RPN2: variants seen among roughly 807,000 people sequenced by gnomAD.
RPN2 encodes dolichyl-diphosphooligosaccharide--protein glycosyltransferase subunit 2.
In RPN2, 29 loss-of-function variants were observed where a neutral mutation model predicts 71.4. The ratio of observed to expected loss-of-function variants is 0.41; its 90% CI spans 0.30 to 0.55. The LOEUF (loss-of-function observed/expected upper bound fraction) is 0.55, where lower values mean the gene tolerates loss of function less well. Among genes scored for constraint, RPN2 ranks in the 20% least tolerant of loss-of-function variants. The pLI is 0.35. For synonymous variants in RPN2, 308 were observed against 305.0 expected (o/e 1.01, Z -0.10); for missense variants, 726 against 774.1 (o/e 0.94, Z 0.74).
At chr20:37,205,473 G>A (rs1438767474) in intron 6 of RPN2, among the ~76,000 whole-genome samples, 2 of 152,046 alleles carry the variant, frequency 1.3e-5, no homozygotes, top group African/African-American at 4.8e-5. Flanking sequence ...GAGTAGGACC[G>A]TCTTTGTACC....
chr20:37,229,676 T>G (rs2068184617), intron 12 of RPN2, among the ~76,000 whole-genome samples: 1 of 152,226 alleles, frequency 6.6e-6, no homozygotes, highest in Non-Finnish European at 1.5e-5. Flanking sequence ...AAGCTGTTTC[T>G]GATTGCAACT....
intron 16 of RPN2, among the ~76,000 whole-genome samples, chr20:37,240,155 A>G (rs1188929847): frequency 6.6e-6 from 1 of 152,228 alleles, no homozygotes; most frequent in East Asian, 1.9e-4. Flanking sequence ...GGCATTTCCT[A>G]GCATTTGAAA....
At chr20:37,230,602 T>C (rs1214188577) in intron 13 of RPN2, among the ~76,000 whole-genome samples, 1 of 152,208 alleles carries the variant, frequency 6.6e-6, no homozygotes, top group East Asian at 1.9e-4. Flanking sequence ...TTAAACACTT[T>C]GGATACTGGT....
intron 6 of RPN2, among the ~76,000 whole-genome samples, chr20:37,205,602 A>G (rs1158482847): frequency 6.6e-6 from 1 of 152,142 alleles, no homozygotes; most frequent in Non-Finnish European, 1.5e-5. Context: ...TTCTTTATGC[A>G]TTATGAGTTT....
chr20:37,205,554 T>C (rs2146590998), intron 6 of RPN2, among the ~76,000 whole-genome samples: 1 of 152,314 alleles, frequency 6.6e-6, no homozygotes. Flanking sequence ...ATTTAAATTT[T>C]AGGAGGAGAG....
At chr20:37,183,995 G>A (rs2066941905) in intron 1 of RPN2, among the ~76,000 whole-genome samples, 185 bp from the exon 2 acceptor site, 1 of 152,210 alleles carries the variant, frequency 6.6e-6, no homozygotes, top group Admixed American at 6.5e-5. Context: ...TGGGAGGACT[G>A]TCCTTCCACC....
At chr20:37,220,183 T>TTG (rs369050797) in intron 9 of RPN2, among the ~76,000 whole-genome samples, 2,704 of 148,006 alleles carry the variant, frequency 0.018, 49 homozygotes, top group African/African-American at 0.04. Context: ...GTGTGTGTGT[T>TTG]TGTGTGTGTG....
rs1292150021 is a variant in RPN2, at chr20:37,224,996, C to A, written c.1185-692C>A. Reference sequence around the variant, plus strand: ...CTAGATGAAGAGTTGGTCTTACTTACGAGTAAATGTAAAATGTGAGTATAA... The same window carrying A: ...CTAGATGAAGAGTTGGTCTTACTTAAGAGTAAATGTAAAATGTGAGTATAA... On this transcript the variant is annotated intron_variant, in intron 10 of 16. Transcript: ENST00000237530. 3.9e-5 allele frequency among the ~76,000 whole-genome samples: 6 copies of A among 152,262 alleles called. No individual in the cohort carries two copies. The East Asian group carries it at 1.2e-3, about 29-fold the overall frequency.
At position 37,236,863 on chromosome 20, in the gene RPN2, T is replaced by C. The variant is rs575742522; in HGVS notation, c.1883+154T>C. Among the ~76,000 whole-genome samples, 24 of 152,270 alleles carry C rather than the reference T, an allele frequency of 1.6e-4. No homozygotes were observed. The South Asian group carries it at 4.8e-3, about 30-fold the overall frequency. On this transcript the variant is annotated intron_variant, in intron 16 of 16. Transcript: ENST00000237530. ...GCCCAGTACAGAAGCCAGAAGCACT[T>C]TGAAGTCAGAAAAGAGCCTTAGTGG...
Position 37,204,757 on chromosome 20 carries a change from G to C in RPN2, c.556-10G>C, listed in dbSNP as rs2067472310. 6.2e-7 allele frequency: 1 copy of C among 1,614,148 alleles called. No individual in the cohort carries two copies. Among genetic ancestry groups the C allele is most frequent in the East Asian group, 2.2e-5 (1 of 44,880 alleles). ...TTGACATCCAGCATATTTCTGTTTT[G>C]TTATGGCAGGACCTTGTTGCTCGCC... On this transcript the variant is annotated splice_polypyrimidine_tract_variant and intron_variant, in intron 5 of 16. Transcript: ENST00000237530.
At chr20:37,182,845 A>G (rs1343443123) in intron 1 of RPN2, among the ~76,000 whole-genome samples, 3 of 152,228 alleles carry the variant, frequency 2.0e-5, no homozygotes, top group Non-Finnish European at 4.4e-5. Flanking sequence ...AGCCCATTCA[A>G]AAGTGTTTTT....
At chr20:37,182,864 T>G (rs2066917817) in intron 1 of RPN2, among the ~76,000 whole-genome samples, 1 of 152,220 alleles carries the variant, frequency 6.6e-6, no homozygotes, top group South Asian at 2.1e-4. Flanking sequence ...TTTGTTTTGT[T>G]TTTTTAAATA....
chr20:37,188,559 G>A (rs923898727), intron 2 of RPN2, among the ~76,000 whole-genome samples: 3 of 151,604 alleles, frequency 2.0e-5, no homozygotes, highest in African/African-American at 7.3e-5. Context: ...ATTTTTGGTA[G>A]GAAGGGAAGT....
chr20:37,225,572 A>T, intron 10 of RPN2, 116 bp from the exon 11 acceptor site: 1 of 750,408 alleles, frequency 1.3e-6, no homozygotes, highest in South Asian at 1.5e-5. Flanking sequence ...TGTCCACAAC[A>T]GAAGTGTTAC....
chr20:37,236,761 T>G (rs2068406948), intron 16 of RPN2, 52 bp downstream of exon 16: 1 of 1,576,182 alleles, frequency 6.3e-7, no homozygotes. Context: ...AATACTCAGC[T>G]CTGCCGGCCT....
Position 37,223,943 on chromosome 20 carries a change from T to A in RPN2, c.1158T>A (p.Asp386Glu). 3 of 1,614,116 alleles carry A rather than the reference T, an allele frequency of 1.9e-6. No individual in the cohort carries two copies. The highest frequency in any genetic ancestry group is 2.5e-6 in the Non-Finnish European group (3 of 1,179,996). The change falls in exon 10 of 17, where the codon GAT (aspartate) becomes GAA (glutamate). Residue 386 changes from aspartate to glutamate, a missense_variant. Transcript: ENST00000237530. ...TNVDLSTVDK[D>E]QSIAPKTTRV... is the part of the protein sequence containing the mutation. ...TTGATCTTTCCACCGTGGATAAGGATCAGAGCATTGCACCCAAAACTACCC... is the reference window on the plus strand; with the variant it reads ...TTGATCTTTCCACCGTGGATAAGGAACAGAGCATTGCACCCAAAACTACCC...
intron 14 of RPN2, among the ~76,000 whole-genome samples, 195 bp from the exon 15 acceptor site, chr20:37,233,825 T>G (rs2068312092): frequency 6.6e-6 from 1 of 152,204 alleles, no homozygotes; most frequent in Admixed American, 6.5e-5. Flanking sequence ...CTGAATGCCT[T>G]TCTAAAGAAA....
chr20:37,218,767 T>G (rs1191198674), intron 9 of RPN2, among the ~76,000 whole-genome samples: 1 of 152,180 alleles, frequency 6.6e-6, no homozygotes, highest in Non-Finnish European at 1.5e-5. Flanking sequence ...AATCATACAA[T>G]AGGTTACCTT....
At chr20:37,219,533 ATGT>A (rs1158508322) in intron 9 of RPN2, among the ~76,000 whole-genome samples, 8 of 152,078 alleles carry the variant, frequency 5.3e-5, no homozygotes, top group South Asian at 2.1e-4. Flanking sequence ...CACTTTCATG[ATGT>A]TGTCTTTTGA....
Sources: allele counts gnomAD v4.1 joint callset (sites outside exome capture counted in the v4.1 genomes callset), GRCh38; gene constraint gnomAD v4.1.1; transcripts MANE v1.5; gene names NCBI Gene and HGNC (gene_info 2026-07-23, HGNC 2026-07-21).